Variants in SLC18A2 observed in about 807,000 individuals in gnomAD.
SLC18A2 encodes the protein synaptic vesicular amine transporter.
SLC18A2 carries 33 observed loss-of-function variants against 59.2 expected under a neutral mutation model. That is an observed-to-expected ratio of 0.56 (90% confidence interval 0.42 to 0.75). The LOEUF is 0.75. Among genes scored for constraint, SLC18A2 ranks in the 30% least tolerant of loss-of-function variants. The pLI is 0.00. For synonymous variants in SLC18A2, 228 were observed against 253.5 expected (o/e 0.90, Z 0.95); for missense variants, 569 against 668.6 (o/e 0.85, Z 1.64).
At chr10:117,264,378 A>G (rs1844325788) in intron 10 of SLC18A2, among the ~76,000 whole-genome samples, 1 of 152,194 alleles carries the variant, frequency 6.6e-6, no homozygotes, top group Admixed American at 6.5e-5. Context: ...TGGGAGGCTG[A>G]GGCAGGTGGA....
Position 117,269,437 on chromosome 10 carries a change from C to A in SLC18A2, c.1187-634C>A, listed in dbSNP as rs757732181. Among the ~76,000 whole-genome samples, 1 of 152,128 alleles carries A rather than the reference C, an allele frequency of 6.6e-6. No homozygotes were observed. Among genetic ancestry groups the A allele is most frequent in the Non-Finnish European group, 1.5e-5 (1 of 68,014 alleles). The stretch of plus-strand genomic sequence containing the variant: ...ACACACATATACATACAGACATACA[C>A]CCCAGCAACAACCACGACCAGCATT... On this transcript the variant is annotated intron_variant, in intron 13 of 15. Transcript: ENST00000644641. The surrounding 1 kb of genome is among the most constrained non-coding windows in gnomAD (Gnocchi z 5.1).
chr10:117,257,720 A>G, intron 9 of SLC18A2, 77 bp from the exon 10 acceptor site: 1 of 822,706 alleles, frequency 1.2e-6, no homozygotes. Context: ...TCTGAGCTGT[A>G]GGCGCATGGA....
At chr10:117,241,378 G>C (rs903662195) in intron 1 of SLC18A2, among the ~76,000 whole-genome samples, 158 bp downstream of exon 1, 71 of 152,036 alleles carry the variant, frequency 4.7e-4, no homozygotes, top group African/African-American at 1.6e-3. Flanking sequence ...AGGTGCACGG[G>C]GCCGAGCGTG....
At position 117,277,388 on chromosome 10, in the gene SLC18A2, G is replaced by T. The variant is rs776150886; in HGVS notation, c.*122G>T. On this transcript the variant is annotated 3_prime_UTR_variant, in exon 16 of 16. Coordinates refer to ENST00000644641, the MANE Select transcript of SLC18A2 (RefSeq NM_003054.6). Reference sequence around the variant, plus strand: ...CCCTGGTGAAAGAGTAAAACCAAAGGTTATTATTTCCTTTCCATGGTTATG... The same window carrying T: ...CCCTGGTGAAAGAGTAAAACCAAAGTTTATTATTTCCTTTCCATGGTTATG... 2 of 537,022 alleles carry T rather than the reference G, an allele frequency of 3.7e-6. No homozygotes were observed. Among genetic ancestry groups the T allele is most frequent in the African/African-American group, 2.0e-5 (1 of 51,046 alleles). 33.3% of individuals were successfully genotyped at this position (537,022 alleles called of 1,614,324 possible). A position where few individuals can be genotyped will look rare whatever the true frequency, so the allele number is the denominator to read the frequency against.
At chr10:117,241,579 G>A (rs1589975887) in intron 1 of SLC18A2, 100 bp from the exon 2 acceptor site, 13 of 1,279,158 alleles carry the variant, frequency 1.0e-5, no homozygotes, top group Middle Eastern at 2.8e-4. Flanking sequence ...CCCGGATGCC[G>A]GTGCGCGCGG....
intron 2 of SLC18A2, 57 bp downstream of exon 2, chr10:117,241,871 G>T: frequency 4.7e-6 from 7 of 1,503,150 alleles, no homozygotes; most frequent in Non-Finnish European, 6.3e-6. Context: ...CCCCTTCCCC[G>T]GCACTCCACT....
intron 15 of SLC18A2, among the ~76,000 whole-genome samples, chr10:117,275,218 AAC>A (rs1490904769): frequency 6.6e-6 from 1 of 152,184 alleles, no homozygotes; most frequent in African/African-American, 2.4e-5. Flanking sequence ...CAGCATAAAA[AAC>A]AGTTAAGTTA....
intron 10 of SLC18A2, 146 bp from the exon 11 acceptor site, chr10:117,266,587 A>C: frequency 5.4e-5 from 34 of 632,784 alleles, no homozygotes; most frequent in Non-Finnish European, 4.7e-5. Flanking sequence ...CGGATCCGGC[A>C]GGCGCCGGAT....
intron 2 of SLC18A2, among the ~76,000 whole-genome samples, chr10:117,242,881 C>T (rs1241814879): frequency 6.6e-6 from 1 of 151,994 alleles, no homozygotes; most frequent in Non-Finnish European, 1.5e-5. Context: ...ACCGGCATGC[C>T]CCACCAAAGC....
chr10:117,254,011 G>A (rs753521390), intron 4 of SLC18A2, 37 bp from the exon 5 acceptor site: 1 of 1,594,162 alleles, frequency 6.3e-7, no homozygotes, highest in Non-Finnish European at 8.6e-7. Context: ...TGTCCCAGCA[G>A]CACTGATGTG....
At chr10:117,262,227 G>A (rs1037126800) in intron 10 of SLC18A2, among the ~76,000 whole-genome samples, 8 of 148,402 alleles carry the variant, frequency 5.4e-5, no homozygotes, top group Admixed American at 2.7e-4. Flanking sequence ...TTTAAACCAC[G>A]TGAATTGTGT....
At chr10:117,251,931 T>G (rs941580612) in intron 3 of SLC18A2, among the ~76,000 whole-genome samples, 1 of 152,000 alleles carries the variant, frequency 6.6e-6, no homozygotes, top group Non-Finnish European at 1.5e-5. Context: ...AGTGTAAACT[T>G]TAAATGAAGG....
Position 117,269,044 on chromosome 10 carries a change from A to AT in SLC18A2, c.1187-1026dup, listed in dbSNP as rs1342375469. Among the ~76,000 whole-genome samples, 34 of 147,256 alleles carry AT rather than the reference A, an allele frequency of 2.3e-4. No individual in the cohort carries two copies. The highest frequency in any genetic ancestry group is 8.1e-4 in the African/African-American group (33 of 40,836). ...CACGCATACACACACACATACACAC[A>AT]TACACCCCCCACATAAACACATACA... On this transcript the variant is annotated intron_variant, in intron 13 of 15. Coordinates refer to ENST00000644641, the MANE Select transcript of SLC18A2 (RefSeq NM_003054.6). This position sits in a 1 kb window ranked among gnomAD's most constrained non-coding sequence, Gnocchi z 5.1.
chr10:117,277,226 C>A lies in SLC18A2; in HGVS notation c.1505C>A (p.Ser502Ter). 6.2e-7 allele frequency: 1 copy of A among 1,611,304 alleles called. No individual in the cohort carries two copies. Among genetic ancestry groups the A allele is most frequent in the South Asian group, 1.1e-5 (1 of 90,930 alleles). ...TKMYTQNNIQ[S>*]YPIGEDEESE... is the part of the protein sequence containing the mutation. ...ATGTACACTCAGAATAATATCCAGTCATATCCGATAGGTGAAGATGAAGAA... is the reference window on the plus strand; with the variant it reads ...ATGTACACTCAGAATAATATCCAGTAATATCCGATAGGTGAAGATGAAGAA... Residue 502 changes from serine (S) to a stop codon, truncating the protein, a stop_gained, in exon 16 of 16, where the codon TCA becomes TAA. Transcript: ENST00000644641. LOFTEE classifies it high-confidence loss of function.
chr10:117,259,213 A>G lies in SLC18A2; in HGVS notation c.991+1321A>G, dbSNP rs1038674127. On this transcript the variant is annotated intron_variant, in intron 10 of 15. Coordinates refer to ENST00000644641, the MANE Select transcript of SLC18A2 (RefSeq NM_003054.6). ...TAATTTCCTTTCTTTTTGCAAATTT[A>G]ATTTTCCTGGAGTTAGTCGTTGCCT... Among the ~76,000 whole-genome samples the G allele has an allele frequency of 4.6e-5, 7 of 152,292 alleles. No homozygotes were observed. In the South Asian group the frequency reaches 1.5e-3, roughly 32 times the overall value.
Position 117,270,112 on chromosome 10 carries a change from G to C in SLC18A2, c.1228G>C (p.Val410Leu). The C allele has an allele frequency of 6.2e-7, 1 of 1,614,212 alleles. No individual in the cohort carries two copies. Among genetic ancestry groups the C allele is most frequent in the Non-Finnish European group, 8.5e-7 (1 of 1,180,030 alleles). The change falls in exon 14 of 16, where the codon GTA (valine) becomes CTA (leucine). Residue 410 changes from valine to leucine, a missense_variant. Physicochemically the swap from Val to Leu is conservative, Grantham distance 32 (BLOSUM62 1). Around this residue, in one of 2 missense-constraint regions of SLC18A2, gnomAD observed 192 missense variants for 278.8 expected, o/e 0.69. Transcript: ENST00000644641. ...SSMMPIMGYL[V>L]DLRHVSVYGS... Reference sequence around the variant, plus strand: ...AATGATGCCTATCATGGGCTACCTCGTAGACCTGCGGCACGTGTCCGTCTA... The same window carrying C: ...AATGATGCCTATCATGGGCTACCTCCTAGACCTGCGGCACGTGTCCGTCTA...
Position 117,255,715 on chromosome 10 carries a change from A to C in SLC18A2, c.895+58A>C, listed in dbSNP as rs1844222419. 8 of 1,521,940 alleles carry C rather than the reference A, an allele frequency of 5.3e-6. No homozygotes were observed. In the South Asian group the frequency reaches 9.1e-5, roughly 17 times the overall value. 94.3% of individuals were successfully genotyped at this position (1,521,940 alleles called of 1,614,324 possible). A position where few individuals can be genotyped will look rare whatever the true frequency, so the allele number is the denominator to read the frequency against. ...ATGCGAGGTGATGGCCGCGTGCTGG[A>C]GGCAGGGGTGGATGGCCAGGGCTGA... On this transcript the variant is annotated intron_variant, in intron 9 of 15. Transcript: ENST00000644641.
intron 3 of SLC18A2, among the ~76,000 whole-genome samples, chr10:117,250,221 T>C (rs1392490326): frequency 9.2e-5 from 14 of 152,150 alleles, no homozygotes; most frequent in Admixed American, 7.9e-4. Context: ...GCCCAGCGCT[T>C]ACCACTGAGC....
At chr10:117,250,124 A>G (rs1844146003) in intron 3 of SLC18A2, among the ~76,000 whole-genome samples, 1 of 152,170 alleles carries the variant, frequency 6.6e-6, no homozygotes, top group Non-Finnish European at 1.5e-5. Flanking sequence ...TGGGTGCCCG[A>G]GGGGCCAGAA....
Sources: allele counts gnomAD v4.1 joint callset (sites outside exome capture counted in the v4.1 genomes callset), GRCh38; gene constraint gnomAD v4.1.1; regional missense constraint gnomAD v4.1.1; non-coding constraint Gnocchi (gnomAD v3.1); transcripts MANE v1.5; gene names NCBI Gene and HGNC (gene_info 2026-07-23, HGNC 2026-07-21).